RNF216: variants seen among roughly 807,000 people sequenced by gnomAD.
RNF216 encodes ring finger protein 216.
A neutral mutation model predicts 110.8 loss-of-function variants in RNF216; 72 were observed. The ratio of observed to expected loss-of-function variants is 0.65; its 90% CI spans 0.54 to 0.79. The LOEUF is 0.79. Among genes scored for constraint, RNF216 ranks in the 30% least tolerant of loss-of-function variants. The pLI is 0.00. For missense variants in RNF216, 1,342 were observed against 1,141.2 expected (o/e 1.18, Z -2.54); for synonymous variants, 495 against 407.5 (o/e 1.21, Z -2.59).
At chr7:5,766,296 C>T (rs1209936115) in intron 1 of RNF216, among the ~76,000 whole-genome samples, 1 of 151,994 alleles carries the variant, frequency 6.6e-6, no homozygotes, top group Non-Finnish European at 1.5e-5. Context: ...CCTCAAAAAA[C>T]TAAAACAAAA....
chr7:5,655,416 G>A (rs1308508971), intron 13 of RNF216, among the ~76,000 whole-genome samples: 2 of 152,174 alleles, frequency 1.3e-5, no homozygotes, highest in African/African-American at 2.4e-5. Flanking sequence ...TGGCCAACAC[G>A]GAGAAACCCC....
At chr7:5,736,573 G>A (rs1413742851) in intron 5 of RNF216, among the ~76,000 whole-genome samples, 1 of 151,922 alleles carries the variant, frequency 6.6e-6, no homozygotes, top group African/African-American at 2.4e-5. Context: ...GTCTCTGCCT[G>A]GCCGCCCATC....
chr7:5,694,059 C>CAGTAA (rs982786780), intron 13 of RNF216, among the ~76,000 whole-genome samples: 1 of 152,132 alleles, frequency 6.6e-6, no homozygotes, highest in Non-Finnish European at 1.5e-5. Context: ...ATTCCAAAGG[C>CAGTAA]AGTAAAGGTC....
chr7:5,667,934 C>T (rs1212142025), intron 13 of RNF216, among the ~76,000 whole-genome samples: 1 of 152,190 alleles, frequency 6.6e-6, no homozygotes, highest in Non-Finnish European at 1.5e-5. Context: ...CATCCTGAGT[C>T]ATTCAGCAGA....
At chr7:5,653,600 C>CAAAAAA (rs34530431) in intron 13 of RNF216, among the ~76,000 whole-genome samples, 1 of 50,488 alleles carries the variant, frequency 2.0e-5, no homozygotes, top group African/African-American at 8.6e-5. Context: ...GACTCTGTCT[C>CAAAAAA]AAAAAAAAAA....
chr7:5,701,473 ACTT>A (rs1279995308), intron 13 of RNF216, among the ~76,000 whole-genome samples: 3 of 152,132 alleles, frequency 2.0e-5, no homozygotes, highest in Non-Finnish European at 4.4e-5. Context: ...GGCAGCTATT[ACTT>A]CGTGACACAA....
intron 13 of RNF216, among the ~76,000 whole-genome samples, chr7:5,653,011 G>A (rs915007666): frequency 6.6e-6 from 1 of 152,156 alleles, no homozygotes; most frequent in Non-Finnish European, 1.5e-5. Context: ...GAGCTGCTTG[G>A]CAGGGCCTGT....
In RNF216 at chr7:5,730,752, G is replaced by C; in HGVS notation, c.1187C>G (p.Pro396Arg). The stretch of plus-strand genomic sequence containing the variant: ...TTGGCTGGCCAGCAGACTGCTACTG[G>C]GATTTATAATGATTCTGTCTTCTCT... ...PKREDRIIIN[P>R]SSSLLASQDE... is the part of the protein sequence containing the mutation. The change falls in exon 6 of 17, where the codon CCC becomes CGC. Residue 396 changes from proline to arginine, a missense_variant. By Grantham distance (103) the Pro-to-Arg change is moderately radical. Transcript: ENST00000389902. The C allele has an allele frequency of 6.2e-7, 1 of 1,610,990 alleles. No individual in the cohort carries two copies. Among genetic ancestry groups the C allele is most frequent in the Non-Finnish European group, 8.5e-7 (1 of 1,178,244 alleles).
rs201991571 is a variant in RNF216, at chr7:5,772,996, T to G, written c.-70+8545A>C. ...GGTTTCACCATGTTGGCCAGGCTAGTCTCGAACTACTGACCTCTGGTGATC... is the reference window on the plus strand; with the variant it reads ...GGTTTCACCATGTTGGCCAGGCTAGGCTCGAACTACTGACCTCTGGTGATC... On this transcript the variant is annotated intron_variant, in intron 1 of 16. Transcript: ENST00000389902. Among the ~76,000 whole-genome samples the G allele has an allele frequency of 2.6e-5, 4 of 152,152 alleles. No individual in the cohort carries two copies. The East Asian group carries it at 7.8e-4, about 30-fold the overall frequency.
At chr7:5,745,656 T>A (rs1433769348) in intron 3 of RNF216, among the ~76,000 whole-genome samples, 1 of 151,856 alleles carries the variant, frequency 6.6e-6, no homozygotes, top group South Asian at 2.1e-4. Context: ...TCTCAGCACT[T>A]TGGGAGGCTG....
Position 5,740,104 on chromosome 7 carries a change from C to CTTTTTTTTTTT in RNF216, c.1045-763_1045-753dup, listed in dbSNP as rs71004698. On this transcript the variant is annotated intron_variant, in intron 4 of 16. Transcript: ENST00000389902. ...AAATAGTGGCTACCAGATGTAACAC[C>CTTTTTTTTTTT]TTTTTTTTTTTTTTTTTTTTTTTTT... is the stretch of plus-strand genomic sequence containing the variant. 5.3e-4 allele frequency among the ~76,000 whole-genome samples: 63 copies of CTTTTTTTTTTT among 118,488 alleles called. 1 individual carries two copies. Among genetic ancestry groups the CTTTTTTTTTTT allele is most frequent in the Non-Finnish European group, 8.7e-4 (50 of 57,280 alleles). 77.7% of individuals were successfully genotyped at this position (118,488 alleles called of 152,430 possible).
chr7:5,705,743 T>C (rs1466346501), intron 13 of RNF216, among the ~76,000 whole-genome samples: 3 of 151,962 alleles, frequency 2.0e-5, no homozygotes, highest in African/African-American at 4.8e-5. Flanking sequence ...ACCCCGCCTC[T>C]ACAAAAATAC....
chr7:5,676,947 A>C (rs1790336507), intron 13 of RNF216, among the ~76,000 whole-genome samples: 1 of 152,198 alleles, frequency 6.6e-6, no homozygotes, highest in Non-Finnish European at 1.5e-5. Context: ...AAGGCCCATT[A>C]TTTCCCATAG....
chr7:5,717,776 T>G (rs1272451471), intron 9 of RNF216, among the ~76,000 whole-genome samples: 1 of 152,082 alleles, frequency 6.6e-6, no homozygotes, highest in Non-Finnish European at 1.5e-5. Context: ...TCTGCCAACA[T>G]TTGGGATTAC....
At chr7:5,660,016 G>C (rs1176683048) in intron 13 of RNF216, among the ~76,000 whole-genome samples, 1 of 147,296 alleles carries the variant, frequency 6.8e-6, no homozygotes, top group Non-Finnish European at 1.5e-5. Context: ...GTGCAGTGGT[G>C]CCATTATAGC....
chr7:5,671,851 G>C (rs1789939820), intron 13 of RNF216, among the ~76,000 whole-genome samples: 1 of 148,936 alleles, frequency 6.7e-6, no homozygotes, highest in African/African-American at 2.5e-5. Context: ...GACACCAGAG[G>C]AGTGCACAGA....
chr7:5,665,237 G>T (rs927249102), intron 13 of RNF216, among the ~76,000 whole-genome samples: 3 of 152,178 alleles, frequency 2.0e-5, no homozygotes, highest in African/African-American at 7.2e-5. Flanking sequence ...CTCAAAGGAA[G>T]GAGAACCTTT....
intron 16 of RNF216, 63 bp downstream of exon 16, chr7:5,623,993 C>A (rs921105165): frequency 1.3e-5 from 18 of 1,439,926 alleles, no homozygotes; most frequent in Admixed American, 1.8e-5. Context: ...CTCAGGGAGG[C>A]CAGCAGAAGC....
intron 15 of RNF216, among the ~76,000 whole-genome samples, chr7:5,633,242 G>A (rs1488103573): frequency 6.6e-6 from 1 of 151,938 alleles, no homozygotes; most frequent in Non-Finnish European, 1.5e-5. Context: ...CTCCCGAAGT[G>A]CTGGGCTTAC....
Sources: allele counts gnomAD v4.1 joint callset (sites outside exome capture counted in the v4.1 genomes callset), GRCh38; gene constraint gnomAD v4.1.1; transcripts MANE v1.5; gene names NCBI Gene and HGNC (gene_info 2026-07-23, HGNC 2026-07-21).